The following CSMD3 variants were observed in gnomAD, a reference collection of about 807,000 sequenced individuals.
CSMD3 encodes the protein CUB and Sushi multiple domains 3, also known as CUB and sushi domain-containing protein 3.
In CSMD3, 177 loss-of-function variants were observed where a neutral mutation model predicts 435.2. The ratio of observed to expected loss-of-function variants is 0.41; its 90% confidence interval spans 0.36 to 0.46. CSMD3 has a LOEUF of 0.46. Ranked by LOEUF, CSMD3 falls within the 20% of genes least tolerant of loss-of-function variation. The pLI, the probability that CSMD3 is intolerant of heterozygous loss-of-function variation, is 0.34. For missense variants in CSMD3, 4,265 were observed against 4,504.6 expected (o/e 0.95, Z 1.52); for synonymous variants, 1,656 against 1,520.5 (o/e 1.09, Z -2.07).
At chr8:112,320,100 T>G (rs1586759098) in intron 45 of CSMD3, 119 bp from the exon 46 acceptor site, 1 of 687,766 alleles carries the variant, frequency 1.5e-6, no homozygotes, top group East Asian at 2.7e-5. Flanking sequence ...TTACATAATT[T>G]ATCAAGTGTC....
At chr8:113,170,860 C>A (rs1224223487) in intron 4 of CSMD3, among the ~76,000 whole-genome samples, 5 of 151,830 alleles carry the variant, frequency 3.3e-5, no homozygotes, top group Non-Finnish European at 7.4e-5. Context: ...GTAGCATTTT[C>A]AAAAATAGTG....
At chr8:112,345,113 T>A (rs1825539921) in intron 41 of CSMD3, among the ~76,000 whole-genome samples, 1 of 152,110 alleles carries the variant, frequency 6.6e-6, no homozygotes, top group Admixed American at 6.6e-5. Flanking sequence ...TATATAATTA[T>A]AAAATGACCT....
chr8:112,702,563 G>T (rs373624577), intron 13 of CSMD3, among the ~76,000 whole-genome samples: 1 of 151,928 alleles, frequency 6.6e-6, no homozygotes, highest in Non-Finnish European at 1.5e-5. Flanking sequence ...TTCTCTGCTC[G>T]CTTTTTGCAC....
At chr8:112,777,448 TTGA>T (rs1309269370) in intron 13 of CSMD3, among the ~76,000 whole-genome samples, 3 of 151,856 alleles carry the variant, frequency 2.0e-5, no homozygotes, top group East Asian at 1.9e-4. Context: ...GTATTAGTTG[TTGA>T]TGATATTATT....
Position 112,684,128 on chromosome 8 carries a change from A to C in CSMD3, c.2482+1278T>G, listed in dbSNP as rs1005449317. ...CATAATACCCTGAAAAACTATCAAC[A>C]TTAAAGTTAAAAATATTATGCATTT... On this transcript the variant is annotated intron_variant, in intron 15 of 70. Coordinates refer to ENST00000297405, the MANE Select transcript of CSMD3 (RefSeq NM_198123.2). Among the ~76,000 whole-genome samples the C allele has an allele frequency of 1.9e-4, 29 of 152,094 alleles. No individual in the cohort carries two copies. The East Asian group carries it at 2.3e-3, about 12-fold the overall frequency.
At chr8:112,383,260 T>G (rs1258960817) in intron 37 of CSMD3, among the ~76,000 whole-genome samples, 1 of 152,188 alleles carries the variant, frequency 6.6e-6, no homozygotes, top group African/African-American at 2.4e-5. Context: ...GCTCATCCTT[T>G]TCTTTTAAGG....
At chr8:112,670,325 A>G (rs1381987444) in intron 16 of CSMD3, among the ~76,000 whole-genome samples, 1 of 152,182 alleles carries the variant, frequency 6.6e-6, no homozygotes, top group Non-Finnish European at 1.5e-5. Context: ...AAAATTAGAA[A>G]AGGACCTGGT....
intron 31 of CSMD3, among the ~76,000 whole-genome samples, chr8:112,485,513 AC>A (rs1446536071): frequency 6.6e-6 from 1 of 152,056 alleles, no homozygotes; most frequent in Admixed American, 6.6e-5. Flanking sequence ...CTTATTTCAC[AC>A]CCCCAAAAAA....
chr8:113,369,674 A>C (rs928435808), intron 1 of CSMD3, among the ~76,000 whole-genome samples: 2 of 151,974 alleles, frequency 1.3e-5, no homozygotes, highest in African/African-American at 4.8e-5. Context: ...TCAACAGACA[A>C]ATAGATAAAG....
chr8:112,314,422 T>G lies in CSMD3; in HGVS notation c.7549+7A>C. On this transcript the variant is annotated splice_region_variant and intron_variant, in intron 48 of 70. Coordinates refer to ENST00000297405, the MANE Select transcript of CSMD3 (RefSeq NM_198123.2). Reference sequence around the variant, plus strand: ...ATGAATATCCAATAAATATAACCCTTGGTTACCATCATACACCTGAAGAAC... The same window carrying G: ...ATGAATATCCAATAAATATAACCCTGGGTTACCATCATACACCTGAAGAAC... 6.3e-7 allele frequency: 1 copy of G among 1,576,020 alleles called. No homozygotes were observed.
chr8:112,791,319 G>GA (rs3047119), intron 13 of CSMD3, among the ~76,000 whole-genome samples: 89 of 103,064 alleles, frequency 8.6e-4, no homozygotes, highest in African/African-American at 1.9e-3. Context: ...CATATCCTGT[G>GA]AAAAAAAAAA....
chr8:112,681,332 G>A (rs943322366), intron 16 of CSMD3, among the ~76,000 whole-genome samples: 10 of 151,612 alleles, frequency 6.6e-5, no homozygotes, highest in Non-Finnish European at 1.0e-4. Context: ...GGTTACAGGC[G>A]TGAGCCACCG....
intron 32 of CSMD3, among the ~76,000 whole-genome samples, chr8:112,450,116 T>A (rs1816094991): frequency 6.6e-6 from 1 of 152,202 alleles, no homozygotes; most frequent in Non-Finnish European, 1.5e-5. Flanking sequence ...ATTATTTATA[T>A]TGACAATCCT....
chr8:112,420,713 T>C (rs1182543621), intron 32 of CSMD3, among the ~76,000 whole-genome samples: 1 of 152,176 alleles, frequency 6.6e-6, no homozygotes, highest in Non-Finnish European at 1.5e-5. Context: ...GAGTTAATTT[T>C]ATAAGGTTAT....
At chr8:112,754,899 C>G (rs1302261180) in intron 13 of CSMD3, among the ~76,000 whole-genome samples, 1 of 152,158 alleles carries the variant, frequency 6.6e-6, no homozygotes, top group East Asian at 1.9e-4. Context: ...ACCCCCTCCA[C>G]AAAAGGAGAA....
At chr8:113,064,619 T>C (rs2088773866) in intron 5 of CSMD3, among the ~76,000 whole-genome samples, 1 of 152,144 alleles carries the variant, frequency 6.6e-6, no homozygotes, top group Admixed American at 6.5e-5. Context: ...AATAGGAGAA[T>C]AAGATAAGGC....
chr8:112,615,784 A>G (rs1209767260), intron 22 of CSMD3, among the ~76,000 whole-genome samples: 1 of 152,120 alleles, frequency 6.6e-6, no homozygotes, highest in Non-Finnish European at 1.5e-5. Flanking sequence ...CTATAGCCAA[A>G]ATGTAACAAA....
chr8:112,569,412 T>C (rs1433844656), intron 24 of CSMD3, among the ~76,000 whole-genome samples: 2 of 152,144 alleles, frequency 1.3e-5, no homozygotes, highest in African/African-American at 4.8e-5. Context: ...TTTCCATTAG[T>C]TAAAGCCAAA....
At chr8:113,080,800 TTAAG>T (rs918668304) in intron 5 of CSMD3, among the ~76,000 whole-genome samples, 78 of 152,306 alleles carry the variant, frequency 5.1e-4, no homozygotes, top group Admixed American at 1.4e-3. Context: ...TCAGTTCTAC[TTAAG>T]TAAGATTCAA....
Sources: allele counts gnomAD v4.1 joint callset (sites outside exome capture counted in the v4.1 genomes callset), GRCh38; gene constraint gnomAD v4.1.1; transcripts MANE v1.5; gene names NCBI Gene and HGNC (gene_info 2026-07-23, HGNC 2026-07-21).